The following RHOBTB3 variants were observed in gnomAD, a reference collection of about 807,000 sequenced individuals.
The protein encoded by RHOBTB3 is rho-related BTB domain-containing protein 3.
A neutral mutation model predicts 67.2 loss-of-function variants in RHOBTB3; 47 were observed. The observed-to-expected ratio is 0.70, with a 90% CI of 0.55 to 0.89. RHOBTB3 has a LOEUF of 0.89. RHOBTB3 is among the 40% of genes least tolerant of loss of function. The pLI, the probability that RHOBTB3 is intolerant of heterozygous loss-of-function variation, is 0.00. For missense variants in RHOBTB3, 631 were observed against 750.0 expected (o/e 0.84, Z 1.85); for synonymous variants, 273 against 274.2 (o/e 1.00, Z 0.04).
At chr5:95,768,432 G>T (rs566246455) in intron 8 of RHOBTB3, among the ~76,000 whole-genome samples, 2 of 152,238 alleles carry the variant, frequency 1.3e-5, no homozygotes, top group African/African-American at 4.8e-5. Flanking sequence ...AAGGGATGGG[G>T]TGATCTATAA....
chr5:95,734,121 C>G (rs1755388492), intron 2 of RHOBTB3, among the ~76,000 whole-genome samples: 2 of 152,156 alleles, frequency 1.3e-5, no homozygotes, highest in Non-Finnish European at 2.9e-5. Context: ...TAAAGTGTTA[C>G]AACTTTAGTT....
chr5:95,785,495 G>A (rs1380554473), intron 10 of RHOBTB3, among the ~76,000 whole-genome samples: 1 of 151,644 alleles, frequency 6.6e-6, no homozygotes, highest in Non-Finnish European at 1.5e-5. Context: ...TTGGGAGGCT[G>A]AGGCAGGAGA....
At chr5:95,753,067 G>A (rs1476128189) in intron 5 of RHOBTB3, among the ~76,000 whole-genome samples, 1 of 152,156 alleles carries the variant, frequency 6.6e-6, no homozygotes, top group Non-Finnish European at 1.5e-5. Context: ...AGGAGGCGGA[G>A]CTTGCAGTGA....
intron 8 of RHOBTB3, among the ~76,000 whole-genome samples, chr5:95,771,478 G>A (rs866385315): frequency 2.0e-5 from 3 of 152,172 alleles, no homozygotes; most frequent in Non-Finnish European, 4.4e-5. Context: ...AGCCTGGGAC[G>A]CTGAAAGTAG....
rs144726167 is a variant in RHOBTB3 at position 95,780,445 on chromosome 5, A to G, written c.1456+20A>G. ...GCCCAGGTTAGCAATACAAATGTTG[A>G]TAGTATCTCAGAATTCTTTCTTTCC... On this transcript the variant is annotated intron_variant, in intron 9 of 11. Coordinates refer to ENST00000379982, the MANE Select transcript of RHOBTB3 (RefSeq NM_014899.4). 4.4e-4 allele frequency: 702 copies of G among 1,601,418 alleles called. 3 individuals are homozygous for G. In the African/African-American group the frequency reaches 8.0e-3, roughly 18 times the overall value.
chr5:95,732,057 G>C lies in RHOBTB3; in HGVS notation c.201G>C (p.Lys67Asn). Residue 67 changes from lysine to asparagine, a missense_variant, in exon 2 of 12, where the codon AAG becomes AAC. Physicochemically the swap from Lys to Asn is moderately conservative, Grantham distance 94. Transcript: ENST00000379982. ...EYQASAFGNV[K>N]LVVHDCPVWD... The stretch of plus-strand genomic sequence containing the variant: ...AGGCCAGTGCGTTTGGGAATGTCAA[G>C]CTGGTGGTCCACGACTGTCCCGTCT... The C allele has an allele frequency of 6.2e-7, 1 of 1,614,234 alleles. No homozygotes were observed. Among genetic ancestry groups the C allele is most frequent in the Non-Finnish European group, 8.5e-7 (1 of 1,180,044 alleles).
intron 11 of RHOBTB3, among the ~76,000 whole-genome samples, chr5:95,792,398 AAAAAGAAAAGAAAAG>A (rs61678250): frequency 6.2e-5 from 8 of 129,708 alleles, no homozygotes; most frequent in South Asian, 2.3e-4. Flanking sequence ...GAAAAAAAAA[AAAAAGAAAAGAAAAG>A]AAAAGAAAAG....
At chr5:95,784,609 G>T (rs987361638) in intron 10 of RHOBTB3, among the ~76,000 whole-genome samples, 1 of 151,910 alleles carries the variant, frequency 6.6e-6, no homozygotes, top group African/African-American at 2.4e-5. Flanking sequence ...CGGGGGTGGG[G>T]GAGTTACATA....
At position 95,731,692 on chromosome 5, in the gene RHOBTB3, C is replaced by T. The variant is rs759814565; in HGVS notation, c.2+8C>T. 1.9e-4 allele frequency: 307 copies of T among 1,613,132 alleles called. No individual in the cohort carries two copies. Among genetic ancestry groups the T allele is most frequent in the Middle Eastern group, 9.9e-4 (6 of 6,084 alleles). ...CCTTGGATTTGAGATCATGTACGTA[C>T]GCGCCGCCGTCCTGCCATTGTCTCT... On this transcript the variant is annotated splice_region_variant and intron_variant, in intron 1 of 11. Coordinates refer to ENST00000379982, the MANE Select transcript of RHOBTB3 (RefSeq NM_014899.4).
Position 95,736,945 on chromosome 5 carries a change from C to G in RHOBTB3, c.285C>G (p.Ile95Met). The G allele has an allele frequency of 6.2e-7, 1 of 1,612,756 alleles. No homozygotes were observed. The highest frequency in any genetic ancestry group is 1.7e-4 in the Middle Eastern group (1 of 6,058). ...TSRNLIGGAD[I>M]IVIKYNVNDK... ...GAAATCTAATTGGGGGCGCTGACATCATTGTGATCAAATACAACGTTAATG... is the reference window on the plus strand; with the variant it reads ...GAAATCTAATTGGGGGCGCTGACATGATTGTGATCAAATACAACGTTAATG... The change falls in exon 3 of 12, where the codon ATC (isoleucine) becomes ATG (methionine). Residue 95 changes from isoleucine (I) to methionine (M), a missense_variant. Coordinates refer to ENST00000379982, the MANE Select transcript of RHOBTB3 (RefSeq NM_014899.4).
chr5:95,793,562 T>G lies in RHOBTB3; in HGVS notation c.*388T>G, dbSNP rs997851183. ...ATTGCTCTATTAAAATAAGGGGCATTTAAAGACCCAGCATAACCATTTGTA... is the reference window on the plus strand; with the variant it reads ...ATTGCTCTATTAAAATAAGGGGCATGTAAAGACCCAGCATAACCATTTGTA... On this transcript the variant is annotated 3_prime_UTR_variant, in exon 12 of 12. Transcript: ENST00000379982. 2.4e-5 allele frequency: 4 copies of G among 166,120 alleles called. No individual in the cohort carries two copies. The highest frequency in any genetic ancestry group is 5.3e-5 in the Non-Finnish European group (4 of 75,974). 10.3% of individuals were successfully genotyped at this position (166,120 alleles called of 1,614,324 possible).
Position 95,788,821 on chromosome 5 carries a change from C to T in RHOBTB3, c.1683C>T (p.Leu561=), listed in dbSNP as rs761971787. The T allele has an allele frequency of 7.6e-6, 12 of 1,572,478 alleles. No individual in the cohort carries two copies. The Admixed American group carries it at 1.4e-4, about 19-fold the overall frequency. The stretch of plus-strand genomic sequence containing the variant: ...TTCATTTCATTGCTACTAACTACCT[C>T]ATCTTCAGTCAAAAGCCTGAATTTC... ...WLLHFIATNY[L]IFSQKPEFQD... Residue 561 remains leucine (L), a synonymous_variant, in exon 11 of 12, where the codon CTC becomes CTT. Coordinates refer to ENST00000379982, the MANE Select transcript of RHOBTB3 (RefSeq NM_014899.4).
chr5:95,762,579 C>T (rs1252354056), intron 6 of RHOBTB3, among the ~76,000 whole-genome samples: 1 of 110,304 alleles, frequency 9.1e-6, no homozygotes, highest in African/African-American at 3.3e-5. Flanking sequence ...TCCTAGGTCT[C>T]CTAACTATAC....
chr5:95,788,738 T>C, intron 10 of RHOBTB3, 24 bp from the exon 11 acceptor site: 1 of 1,496,834 alleles, frequency 6.7e-7, no homozygotes, highest in Non-Finnish European at 9.2e-7. Context: ...TGCAATATTA[T>C]TTCACTTTTC....
intron 1 of RHOBTB3, among the ~76,000 whole-genome samples, chr5:95,724,685 C>T (rs949614630): frequency 1.3e-5 from 2 of 152,098 alleles, no homozygotes; most frequent in African/African-American, 4.8e-5. Flanking sequence ...AGGCTGGTTT[C>T]GAACGCCTGA....
chr5:95,765,620 A>G (rs1745519876), intron 7 of RHOBTB3, among the ~76,000 whole-genome samples: 1 of 152,128 alleles, frequency 6.6e-6, no homozygotes. Context: ...GGTAAATTGG[A>G]TGGTTTCTGA....
chr5:95,774,041 T>C (rs924739373), intron 8 of RHOBTB3, among the ~76,000 whole-genome samples: 3 of 152,232 alleles, frequency 2.0e-5, no homozygotes, highest in Admixed American at 1.3e-4. Flanking sequence ...ATGAAAGTCA[T>C]ATACAATTGT....
At chr5:95,723,993 AAATC>A (rs1490914380) in intron 1 of RHOBTB3, among the ~76,000 whole-genome samples, 1 of 152,246 alleles carries the variant, frequency 6.6e-6, no homozygotes, top group Non-Finnish European at 1.5e-5. Context: ...GATAAAGATC[AAATC>A]AATCATAGTT....
At chr5:95,781,601 T>C (rs6894714) in intron 9 of RHOBTB3, 72,850 of 152,212 alleles carry the variant, frequency 0.48, 18,315 homozygotes, top group African/African-American at 0.64. Flanking sequence ...GCCTGTAATC[T>C]GAGCACTTTG....
Sources: allele counts gnomAD v4.1 joint callset (sites outside exome capture counted in the v4.1 genomes callset), GRCh38; gene constraint gnomAD v4.1.1; transcripts MANE v1.5; gene names NCBI Gene and HGNC (gene_info 2026-07-23, HGNC 2026-07-21).